The following HYAL4 variants were observed in gnomAD, a reference collection of about 807,000 sequenced individuals.
HYAL4 encodes the protein hyaluronidase-4.
A neutral mutation model predicts 35.2 loss-of-function variants in HYAL4; 37 were observed. The ratio of observed to expected loss-of-function variants is 1.05; its 90% CI spans 0.81 to 1.38. HYAL4 has a LOEUF of 1.38. Ranked by LOEUF, HYAL4 falls within the 40% of genes most tolerant of loss-of-function variation. The probability of loss-of-function intolerance (pLI) is 0.00; values close to 1 mark genes in which losing one functional copy is unlikely to be tolerated. For missense variants in HYAL4, 572 were observed against 572.4 expected (o/e 1.00, Z 0.01); for synonymous variants, 198 against 203.2 (o/e 0.97, Z 0.22).
chr7:123,818,105 C>T, the HYAL4 span, among the ~76,000 whole-genome samples: 2 of 152,090 alleles, frequency 1.3e-5, no homozygotes, highest in Non-Finnish European at 2.9e-5. Flanking sequence ...TCGAACTACT[C>T]ACCTTGAGTG....
Position 123,868,805 on chromosome 7 carries a change from G to A in HYAL4, c.532G>A (p.Val178Ile). Residue 178 changes from valine (V) to isoleucine (I), a missense_variant, in exon 3 of 5, where the codon GTA (valine) becomes ATA (isoleucine). Val to Ile is a conservative substitution (Grantham distance 29). Transcript: ENST00000223026. Reference protein sequence around the residue: ...RKLISDMGKNVSATDIEYLAK... With the variant: ...RKLISDMGKNISATDIEYLAK... ...GCTTATTTCCGATATGGGAAAGAAT[G>A]TATCAGCTACCGATATTGAATATTT... 1 of 1,614,210 alleles carries A rather than the reference G, an allele frequency of 6.2e-7. No individual in the cohort carries two copies.
At position 123,876,805 on chromosome 7, in the gene HYAL4, A is replaced by G. The variant is rs1488927696; in HGVS notation, c.1096A>G (p.Ile366Val). 6.2e-7 allele frequency: 1 copy of G among 1,614,200 alleles called. No homozygotes were observed. Residue 366 changes from isoleucine to valine, a missense_variant, in exon 5 of 5, where the codon ATA becomes GTA. Transcript: ENST00000223026. ...TGTGAGTTCTGATTTAGGGAGCTAC[A>G]TAGCCAATGTGACCAGAGCTGCTGA... is the stretch of plus-strand genomic sequence containing the variant. ...QFVSSDLGSY[I>V]ANVTRAAEVC...
At chr7:123,799,174 G>A in the HYAL4 span, among the ~76,000 whole-genome samples, 1 of 152,010 alleles carries the variant, frequency 6.6e-6, no homozygotes, top group African/African-American at 2.4e-5. Context: ...ATAAAGTAAT[G>A]TCATTTCTCT....
Position 123,868,884 on chromosome 7 carries a change from A to T in HYAL4, c.611A>T (p.Lys204Ile), listed in dbSNP as rs1247004418. The change falls in exon 3 of 5, where the codon AAA becomes ATA. Residue 204 changes from lysine to isoleucine, a missense_variant. Transcript: ENST00000223026. ...SAKAFMKETI[K>I]LGIKSRPKGL... ...AAAGCTTTCATGAAGGAAACCATCA[A>T]ATTGGGAATTAAGAGCCGACCCAAA... 3 of 1,614,098 alleles carry T rather than the reference A, an allele frequency of 1.9e-6. No homozygotes were observed. In the Admixed American group the frequency reaches 5.0e-5, roughly 27 times the overall value.
the HYAL4 span, among the ~76,000 whole-genome samples, chr7:123,777,041 A>C: frequency 6.6e-6 from 1 of 152,184 alleles, no homozygotes; most frequent in African/African-American, 2.4e-5. Flanking sequence ...GGAGAATAAG[A>C]AGCTCACCAA....
intron 3 of HYAL4, among the ~76,000 whole-genome samples, chr7:123,869,611 T>C (rs1045875522): frequency 2.6e-5 from 4 of 151,974 alleles, no homozygotes; most frequent in African/African-American, 9.7e-5. Context: ...TGCTCATACA[T>C]GTGGAAGCAG....
At chr7:123,850,892 A>G (rs1806290639) in intron 2 of HYAL4, among the ~76,000 whole-genome samples, 2 of 152,140 alleles carry the variant, frequency 1.3e-5, no homozygotes, top group South Asian at 4.1e-4. Flanking sequence ...TCCTTATTGT[A>G]TTAGGAAATT....
the HYAL4 span, among the ~76,000 whole-genome samples, chr7:123,771,204 A>G: frequency 5.9e-5 from 9 of 152,330 alleles, no homozygotes; most frequent in African/African-American, 1.9e-4. Context: ...TCAACTGACA[A>G]ATAAATAAAG....
the HYAL4 span, among the ~76,000 whole-genome samples, chr7:123,810,498 C>T: frequency 6.6e-6 from 1 of 152,186 alleles, no homozygotes; most frequent in Non-Finnish European, 1.5e-5. Flanking sequence ...TTTCTTCATT[C>T]AAGTAGACTT....
upstream of HYAL4, among the ~76,000 whole-genome samples, chr7:123,842,818 A>C (rs1806095781): frequency 6.7e-6 from 1 of 150,318 alleles, no homozygotes; most frequent in South Asian, 2.1e-4. Flanking sequence ...TAGGATTGCA[A>C]CTCCTGCCTT....
the HYAL4 span, among the ~76,000 whole-genome samples, chr7:123,809,759 ATC>A: frequency 6.6e-6 from 1 of 151,714 alleles, no homozygotes; most frequent in East Asian, 1.9e-4. Context: ...ACCACCATCC[ATC>A]TCTAGGACCT....
At chr7:123,805,039 A>G in the HYAL4 span, among the ~76,000 whole-genome samples, 3 of 152,208 alleles carry the variant, frequency 2.0e-5, no homozygotes, top group Non-Finnish European at 4.4e-5. Context: ...GGAAAGGTGA[A>G]ATCAGTGTAA....
the HYAL4 span, among the ~76,000 whole-genome samples, chr7:123,806,553 C>T: frequency 1.3e-5 from 2 of 152,046 alleles, no homozygotes; most frequent in African/African-American, 4.8e-5. Flanking sequence ...AAGCGATTCT[C>T]CTGCCTCAGC....
the HYAL4 span, among the ~76,000 whole-genome samples, chr7:123,785,777 C>T: frequency 6.6e-6 from 1 of 152,160 alleles, no homozygotes. The surrounding 1 kb of genome is among the most constrained non-coding windows in gnomAD (Gnocchi z 4.5). Flanking sequence ...GCATGGGACA[C>T]ATGGACAGCC....
At chr7:123,869,267 T>TTTAGAGATAAGGAGG in intron 3 of HYAL4, 40 bp downstream of exon 3, 1 of 1,305,996 alleles carries the variant, frequency 7.7e-7, no homozygotes, top group Non-Finnish European at 1.1e-6. Flanking sequence ...ATTTCCTCCT[T>TTTAGAGATAAGGAGG]ATCTCTAAAA....
intron 2 of HYAL4, among the ~76,000 whole-genome samples, chr7:123,853,948 A>C (rs1051937285): frequency 9.2e-5 from 14 of 152,102 alleles, no homozygotes; most frequent in African/African-American, 3.4e-4. Context: ...TTCCTGGTTT[A>C]GTCTTGGGAG....
At chr7:123,806,140 T>C in the HYAL4 span, among the ~76,000 whole-genome samples, 1 of 152,082 alleles carries the variant, frequency 6.6e-6, no homozygotes, top group African/African-American at 2.4e-5. Context: ...ACTGAAATAA[T>C]CAAGACAAGA....
chr7:123,829,747 A>G (rs531519642), intron 1 of HYAL4, among the ~76,000 whole-genome samples: 9 of 152,276 alleles, frequency 5.9e-5, no homozygotes, highest in African/African-American at 2.2e-4. Flanking sequence ...TGGGAGGATC[A>G]TTGAGCCCAG....
intron 2 of HYAL4, among the ~76,000 whole-genome samples, chr7:123,851,660 G>A (rs562644815): frequency 4.2e-4 from 64 of 152,264 alleles, no homozygotes; most frequent in African/African-American, 1.5e-3. Context: ...CATTTGGGTT[G>A]TTTCCAAGTC....
Sources: gnomAD v4.1 joint callset for allele counts (sites outside exome capture counted in the v4.1 genomes callset) on GRCh38, gnomAD v4.1.1 for gene constraint, Gnocchi (gnomAD v3.1) non-coding constraint, MANE v1.5 for transcripts, NCBI Gene and HGNC (gene_info 2026-07-23, HGNC 2026-07-21) for gene names.